ANKRD34A: variants seen among roughly 807,000 people sequenced by gnomAD.
ANKRD34A encodes the protein ankyrin repeat domain-containing protein 34A.
A neutral mutation model predicts 27.1 loss-of-function variants in ANKRD34A; 7 were observed. That is an observed-to-expected ratio of 0.26 (90% CI 0.15 to 0.49). The LOEUF is 0.49. Ranked by LOEUF, ANKRD34A falls within the 20% of genes least tolerant of loss-of-function variation. ANKRD34A has a pLI of 0.99. For synonymous variants in ANKRD34A, 301 were observed against 300.8 expected (o/e 1.00, Z -0.01); for missense variants, 472 against 682.1 (o/e 0.69, Z 3.43).
rs1366243216 is a variant in ANKRD34A at position 145,962,748 on chromosome 1, C to G, written c.-448G>C. ...TCCCCCACTCATGCACACATAAACC[C>G]TCAAAAACCTAGAGGCTCCAATCCT... On this transcript the variant is annotated 5_prime_UTR_variant, in exon 3 of 4. Transcript: ENST00000606888. 1 of 145,568 alleles carries G rather than the reference C, an allele frequency of 6.9e-6. No homozygotes were observed. The highest frequency in any genetic ancestry group is 1.5e-5 in the Non-Finnish European group (1 of 67,232). 9.0% of individuals were successfully genotyped at this position (145,568 alleles called of 1,614,324 possible). A position where few individuals can be genotyped will look rare whatever the true frequency, so the allele number is the denominator to read the frequency against.
At position 145,961,170 on chromosome 1, in the gene ANKRD34A, C is replaced by G. The variant is rs781931529; in HGVS notation, c.590G>C (p.Arg197Pro). The G allele has an allele frequency of 6.2e-7, 1 of 1,614,172 alleles. No individual in the cohort carries two copies. The highest frequency in any genetic ancestry group is 8.5e-7 in the Non-Finnish European group (1 of 1,180,014). ...CTGGGCGCGAGGGGATAACATCCCA[C>G]GCCCTCCTCCTCCAGCGGTCTGCAG... ...IQLQTAGGGG[R>P]GMLSPRAQEE... The change falls in exon 4 of 4, where the codon CGT becomes CCT. Residue 197 changes from arginine (R) to proline (P), a missense_variant. Arg to Pro is a moderately radical substitution (Grantham distance 103). This residue lies in a region of ANKRD34A where 295 missense variants were observed against 335.0 expected (regional missense o/e 0.88). Transcript: ENST00000606888. The surrounding 1 kb of genome is among the most constrained non-coding windows in gnomAD (Gnocchi z 9.5).
rs926864787 is a variant in ANKRD34A, at chr1:145,959,962, T to A, written c.*307A>T. The A allele has an allele frequency of 4.1e-5, 15 of 361,526 alleles. No homozygotes were observed. Among genetic ancestry groups the A allele is most frequent in the Non-Finnish European group, 7.7e-5 (15 of 193,796 alleles). The allele number at this position is 361,526 out of a possible 1,614,324, so 22.4% of individuals were successfully genotyped here. ...CTGCTTCTGAACAAATGCAAGAGAG[T>A]TTGGGACCCTAGCCCTGTGTGTTTA... On this transcript the variant is annotated 3_prime_UTR_variant, in exon 4 of 4. Transcript: ENST00000606888.
chr1:145,960,145 G>A lies in ANKRD34A; in HGVS notation c.*124C>T. 5 of 1,181,504 alleles carry A rather than the reference G, an allele frequency of 4.2e-6. No homozygotes were observed. Among genetic ancestry groups the A allele is most frequent in the South Asian group, 1.9e-5 (1 of 53,600 alleles). The allele number at this position is 1,181,504 out of a possible 1,614,324, so 73.2% of individuals were successfully genotyped here. A position where few individuals can be genotyped will look rare whatever the true frequency, so the allele number is the denominator to read the frequency against. ...TGGACACATGTTTAACCATGTGTGGGTGCACTGTGCACCCATGAGCACATG... is the reference window on the plus strand; with the variant it reads ...TGGACACATGTTTAACCATGTGTGGATGCACTGTGCACCCATGAGCACATG... On this transcript the variant is annotated 3_prime_UTR_variant, in exon 4 of 4. Coordinates refer to ENST00000606888, the MANE Select transcript of ANKRD34A (RefSeq NM_001039888.4). This position sits in a 1 kb window ranked among gnomAD's most constrained non-coding sequence, Gnocchi z 5.5.
chr1:145,961,727 C>A lies in ANKRD34A; in HGVS notation c.33G>T (p.Arg11=), dbSNP rs1553761443. 6.2e-7 allele frequency: 1 copy of A among 1,613,734 alleles called. No individual in the cohort carries two copies. Among genetic ancestry groups the A allele is most frequent in the Admixed American group, 1.7e-5 (1 of 60,004 alleles). ...AGCGTAGCTTACCCTGACCCACCGC[C>A]CGAAGAAGAGCGTGGCCCTCGGTGT... MLHTEGHALL[R]AVGQGKLRLA... Residue 11 remains arginine, a synonymous_variant, in exon 4 of 4, where the codon CGG becomes CGT. Transcript: ENST00000606888. This position sits in a 1 kb window ranked among gnomAD's most constrained non-coding sequence, Gnocchi z 9.5.
rs1649917846 is a variant in ANKRD34A, at chr1:145,964,432, A to C, written c.-1145T>G. On this transcript the variant is annotated 5_prime_UTR_variant, in exon 1 of 4. Transcript: ENST00000606888. Reference sequence around the variant, plus strand: ...TCCCTCAACACGGTCCCTCGATGAGATATGAGTGTCACGTTCCCTCGGTGA... The same window carrying C: ...TCCCTCAACACGGTCCCTCGATGAGCTATGAGTGTCACGTTCCCTCGGTGA... 6.6e-6 allele frequency: 1 copy of C among 152,150 alleles called. No individual in the cohort carries two copies. The highest frequency in any genetic ancestry group is 2.4e-5 in the African/African-American group (1 of 41,402). 9.4% of individuals were successfully genotyped at this position (152,150 alleles called of 1,614,324 possible). A position where few individuals can be genotyped will look rare whatever the true frequency, so the allele number is the denominator to read the frequency against.
rs370580439 is a variant in ANKRD34A, at chr1:145,960,381, C to A, written c.1379G>T (p.Gly460Val). 11 of 1,613,768 alleles carry A rather than the reference C, an allele frequency of 6.8e-6. No individual in the cohort carries two copies. The East Asian group carries it at 1.3e-4, about 20-fold the overall frequency. Reference protein sequence around the residue: ...LPAPPYAGAPGSPRTKRKLVR... With the variant: ...LPAPPYAGAPVSPRTKRKLVR... Reference sequence around the variant, plus strand: ...CAATTTGCGCTTGGTCCTGGGAGAGCCTGGCGCCCCGGCATAAGGAGGGGC... The same window carrying A: ...CAATTTGCGCTTGGTCCTGGGAGAGACTGGCGCCCCGGCATAAGGAGGGGC... Residue 460 changes from glycine to valine, a missense_variant, in exon 4 of 4, where the codon GGC becomes GTC. Around this residue, in one of 4 missense-constraint regions of ANKRD34A, gnomAD observed 53 missense variants for 70.3 expected, o/e 0.75. Coordinates refer to ENST00000606888, the MANE Select transcript of ANKRD34A (RefSeq NM_001039888.4). This position sits in a 1 kb window ranked among gnomAD's most constrained non-coding sequence, Gnocchi z 5.5.
In ANKRD34A at chr1:145,961,500, C is replaced by T. The variant is rs1553761414; in HGVS notation, c.260G>A (p.Gly87Glu). 3.8e-6 allele frequency: 6 copies of T among 1,573,920 alleles called. No homozygotes were observed. In the Admixed American group the frequency reaches 5.5e-5, roughly 14 times the overall value. Residue 87 changes from glycine (G) to glutamate (E), a missense_variant, in exon 4 of 4, where the codon GGG becomes GAG. Coordinates refer to ENST00000606888, the MANE Select transcript of ANKRD34A (RefSeq NM_001039888.4). The surrounding 1 kb of genome is among the most constrained non-coding windows in gnomAD (Gnocchi z 9.5). ...GRTALMHACA[G>E]GGGAAVASLL... ...CGAGGCCACCGCGGCGCCCCCACCC[C>T]CGGCGCAAGCGTGCATGAGCGCCGT...
Position 145,960,246 on chromosome 1 carries a change from C to G in ANKRD34A, c.*23G>C. Reference sequence around the variant, plus strand: ...TCCCATTAAGGTCCTAATCCCCACCCTCCTTGGCTCCTCTCACTCCTCTCA... The same window carrying G: ...TCCCATTAAGGTCCTAATCCCCACCGTCCTTGGCTCCTCTCACTCCTCTCA... On this transcript the variant is annotated 3_prime_UTR_variant, in exon 4 of 4. Transcript: ENST00000606888. The surrounding 1 kb of genome is among the most constrained non-coding windows in gnomAD (Gnocchi z 5.5). 1 of 1,498,192 alleles carries G rather than the reference C, an allele frequency of 6.7e-7. No individual in the cohort carries two copies. Among genetic ancestry groups the G allele is most frequent in the Non-Finnish European group, 8.9e-7 (1 of 1,123,564 alleles). The allele number at this position is 1,498,192 out of a possible 1,614,324, so 92.8% of individuals were successfully genotyped here.
chr1:145,961,504 C>A lies in ANKRD34A; in HGVS notation c.256G>T (p.Ala86Ser). ...LGRTALMHAC[A>S]GGGGAAVASL... The stretch of plus-strand genomic sequence containing the variant: ...GCCACCGCGGCGCCCCCACCCCCGG[C>A]GCAAGCGTGCATGAGCGCCGTGCGC... Residue 86 changes from alanine (A) to serine (S), a missense_variant, in exon 4 of 4, where the codon GCC (alanine) becomes TCC (serine). By Grantham distance (99) the Ala-to-Ser change is moderately conservative. Around this residue, in one of 4 missense-constraint regions of ANKRD34A, gnomAD observed 118 missense variants for 253.6 expected, o/e 0.47. Transcript: ENST00000606888. This position sits in a 1 kb window ranked among gnomAD's most constrained non-coding sequence, Gnocchi z 9.5. The A allele has an allele frequency of 6.3e-7, 1 of 1,575,342 alleles. No individual in the cohort carries two copies. The highest frequency in any genetic ancestry group is 1.7e-4 in the Middle Eastern group (1 of 5,858).
Position 145,961,528 on chromosome 1 carries a change from G to T in ANKRD34A, c.232C>A (p.Arg78Ser). 6.3e-7 allele frequency: 1 copy of T among 1,579,806 alleles called. No individual in the cohort carries two copies. The highest frequency in any genetic ancestry group is 8.6e-7 in the Non-Finnish European group (1 of 1,163,238). ...ADPNIADRLG[R>S]TALMHACAGG... ...GCGCAAGCGTGCATGAGCGCCGTGC[G>T]CCCTAATCGGTCTGCGATATTGGGG... is the stretch of plus-strand genomic sequence containing the variant. The change falls in exon 4 of 4, where the codon CGC becomes AGC. Residue 78 changes from arginine to serine, a missense_variant. Transcript: ENST00000606888. This position sits in a 1 kb window ranked among gnomAD's most constrained non-coding sequence, Gnocchi z 9.5.
At position 145,961,216 on chromosome 1, in the gene ANKRD34A, T is replaced by C; in HGVS notation, c.544A>G (p.Thr182Ala). ...TGCAGTTGGATTTCCGAAGGCGACGTGCAGAACCCCGGGCTAGGAGAGGCG... is the reference window on the plus strand; with the variant it reads ...TGCAGTTGGATTTCCGAAGGCGACGCGCAGAACCCCGGGCTAGGAGAGGCG... ...APASPSPGFC[T>A]SPSEIQLQTA... Residue 182 changes from threonine to alanine, a missense_variant, in exon 4 of 4, where the codon ACG becomes GCG. By Grantham distance (58) the Thr-to-Ala change is moderately conservative. Around this residue, in one of 4 missense-constraint regions of ANKRD34A, gnomAD observed 295 missense variants for 335.0 expected, o/e 0.88. Transcript: ENST00000606888. This position sits in a 1 kb window ranked among gnomAD's most constrained non-coding sequence, Gnocchi z 9.5. 1 of 1,614,054 alleles carries C rather than the reference T, an allele frequency of 6.2e-7. No individual in the cohort carries two copies. The highest frequency in any genetic ancestry group is 1.3e-5 in the African/African-American group (1 of 75,056).
rs1479160542 is a variant in ANKRD34A at position 145,962,818 on chromosome 1, A to C, written c.-518T>G. 2.0e-5 allele frequency: 3 copies of C among 152,256 alleles called. No individual in the cohort carries two copies. The highest frequency in any genetic ancestry group is 4.4e-5 in the Non-Finnish European group (3 of 68,166). 9.4% of individuals were successfully genotyped at this position (152,256 alleles called of 1,614,324 possible). A position where few individuals can be genotyped will look rare whatever the true frequency, so the allele number is the denominator to read the frequency against. On this transcript the variant is annotated 5_prime_UTR_variant, in exon 3 of 4. An upstream open reading frame in the 5' UTR gains an earlier in-frame stop. Transcript: ENST00000606888. ...ACCTCCCCTCAGCCCCAACAAACCTAAGTGTTCCTTAGGGGACTCCTCCGC... is the reference window on the plus strand; with the variant it reads ...ACCTCCCCTCAGCCCCAACAAACCTCAGTGTTCCTTAGGGGACTCCTCCGC...
In ANKRD34A at chr1:145,962,289, G is replaced by C. The variant is rs141241212; in HGVS notation, c.-121+132C>G. The C allele has an allele frequency of 4.3e-4, 67 of 154,208 alleles. 1 individual carries two copies. The South Asian group carries it at 8.3e-3, about 19-fold the overall frequency. The allele number at this position is 154,208 out of a possible 1,614,324, so 9.6% of individuals were successfully genotyped here. ...CTTGCCACAACCCCAAAAATTGAGT[G>C]GGGGGAGGGAAGCAGCCTGCATTTG... On this transcript the variant is annotated intron_variant, in intron 3 of 3. Coordinates refer to ENST00000606888, the MANE Select transcript of ANKRD34A (RefSeq NM_001039888.4).
At chr1:145,963,742 T>C (rs1384893085) in intron 1 of ANKRD34A, among the ~76,000 whole-genome samples, 1 of 152,230 alleles carries the variant, frequency 6.6e-6, no homozygotes, top group Non-Finnish European at 1.5e-5. Flanking sequence ...GTGTCAACTA[T>C]GTGCCATGTG....
In ANKRD34A at chr1:145,964,231, G is replaced by A; in HGVS notation, c.-944C>T. The A allele has an allele frequency of 6.5e-6, 1 of 152,764 alleles. No homozygotes were observed. 9.5% of individuals were successfully genotyped at this position (152,764 alleles called of 1,614,324 possible). A position where few individuals can be genotyped will look rare whatever the true frequency, so the allele number is the denominator to read the frequency against. ...CCCACAGAAAAACATTTTTAGAAAA[G>A]AAGTATCCATTGGTGGTGCTGGAGA... On this transcript the variant is annotated 5_prime_UTR_variant, in exon 1 of 4. Coordinates refer to ENST00000606888, the MANE Select transcript of ANKRD34A (RefSeq NM_001039888.4).
chr1:145,961,490 GC>G lies in ANKRD34A; in HGVS notation c.269del (p.Gly90AlafsTer163), dbSNP rs1553761411. On this transcript the variant is annotated frameshift_variant, in exon 4 of 4. Coordinates refer to ENST00000606888, the MANE Select transcript of ANKRD34A (RefSeq NM_001039888.4). LOFTEE classifies it high-confidence loss of function. This position sits in a 1 kb window ranked among gnomAD's most constrained non-coding sequence, Gnocchi z 9.5. ...ALMHACAGGGGAAVASLLLAH... is the reference protein window; with the variant it reads ...ALMHACAGGGXAAVASLLLAH... Reference sequence around the variant, plus strand: ...CAAGGAGCAGCGAGGCCACCGCGGCGCCCCCACCCCCGGCGCAAGCGTGCAT... The same window carrying G: ...CAAGGAGCAGCGAGGCCACCGCGGCGCCCCACCCCCGGCGCAAGCGTGCAT... 2 of 1,573,928 alleles carry G rather than the reference GC, an allele frequency of 1.3e-6. No individual in the cohort carries two copies. The highest frequency in any genetic ancestry group is 1.7e-6 in the Non-Finnish European group (2 of 1,160,410).
chr1:145,961,433 G>C lies in ANKRD34A; in HGVS notation c.327C>G (p.His109Gln), dbSNP rs781823556. The change falls in exon 4 of 4, where the codon CAC (histidine) becomes CAG (glutamine). Residue 109 changes from histidine to glutamine, a missense_variant. His to Gln is a conservative substitution (Grantham distance 24, BLOSUM62 0). This residue lies in a region of ANKRD34A where 118 missense variants were observed against 253.6 expected (regional missense o/e 0.47). Coordinates refer to ENST00000606888, the MANE Select transcript of ANKRD34A (RefSeq NM_001039888.4). The surrounding 1 kb of genome is among the most constrained non-coding windows in gnomAD (Gnocchi z 9.5). Reference protein sequence around the residue: ...AHGADPSVRDHAGASALVHAL... With the variant: ...AHGADPSVRDQAGASALVHAL... Reference sequence around the variant, plus strand: ...CGTGGACAAGAGCCGAGGCGCCCGCGTGATCTCGGACTGAGGGGTCTGCGC... The same window carrying C: ...CGTGGACAAGAGCCGAGGCGCCCGCCTGATCTCGGACTGAGGGGTCTGCGC... The C allele has an allele frequency of 1.2e-6, 2 of 1,609,854 alleles. No homozygotes were observed. Among genetic ancestry groups the C allele is most frequent in the Middle Eastern group, 3.3e-4 (2 of 6,038 alleles).
chr1:145,961,061 T>A lies in ANKRD34A; in HGVS notation c.699A>T (p.Lys233Asn), dbSNP rs1649732961. The A allele has an allele frequency of 6.2e-7, 1 of 1,613,372 alleles. No homozygotes were observed. Among genetic ancestry groups the A allele is most frequent in the African/African-American group, 1.3e-5 (1 of 74,778 alleles). The change falls in exon 4 of 4, where the codon AAA becomes AAT. Residue 233 changes from lysine to asparagine, a missense_variant. This residue lies in a region of ANKRD34A where 295 missense variants were observed against 335.0 expected (regional missense o/e 0.88). Transcript: ENST00000606888. This position sits in a 1 kb window ranked among gnomAD's most constrained non-coding sequence, Gnocchi z 9.5. ...DDPSPSEPLPKPPRHPPKPLK... is the reference protein window; with the variant it reads ...DDPSPSEPLPNPPRHPPKPLK... The stretch of plus-strand genomic sequence containing the variant: ...GTGGTTTTGGGGGATGGCGTGGTGG[T>A]TTGGGGAGCGGCTCGGAAGGGGATG...
chr1:145,960,970 C>T lies in ANKRD34A; in HGVS notation c.790G>A (p.Gly264Arg). 6.2e-7 allele frequency: 1 copy of T among 1,614,174 alleles called. No homozygotes were observed. The highest frequency in any genetic ancestry group is 8.5e-7 in the Non-Finnish European group (1 of 1,180,022). ...GTCAAGCGCTCGATCCCCGGTCTCC[C>T]TTCAGTGGGTGGGACTGGTTGAGGA... ...APPQPVPPTE[G>R]RPGIERLTAE... Residue 264 changes from glycine to arginine, a missense_variant, in exon 4 of 4, where the codon GGG becomes AGG. Gly to Arg is a moderately radical substitution (Grantham distance 125, BLOSUM62 -2). Coordinates refer to ENST00000606888, the MANE Select transcript of ANKRD34A (RefSeq NM_001039888.4). This position sits in a 1 kb window ranked among gnomAD's most constrained non-coding sequence, Gnocchi z 5.5.
Sources: gnomAD v4.1 joint callset for allele counts (sites outside exome capture counted in the v4.1 genomes callset) on GRCh38, gnomAD v4.1.1 for gene constraint, gnomAD v4.1.1 regional missense constraint, Gnocchi (gnomAD v3.1) non-coding constraint, MANE v1.5 for transcripts, NCBI Gene and HGNC (gene_info 2026-07-23, HGNC 2026-07-21) for gene names.